UVRAG: variants seen among roughly 807,000 people sequenced by gnomAD.
UVRAG encodes UV radiation resistance associated.
Under a neutral mutation model 78.0 loss-of-function variants are expected in UVRAG, and 19 were observed. The ratio of observed to expected loss-of-function variants is 0.24; its 90% confidence interval spans 0.17 to 0.36. The LOEUF (loss-of-function observed/expected upper bound fraction) is 0.36. Among genes scored for constraint, UVRAG ranks in the 10% least tolerant of loss-of-function variants. The pLI is 1.00. For missense variants in UVRAG, 740 were observed against 853.8 expected (o/e 0.87, Z 1.66); for synonymous variants, 323 against 324.6 (o/e 1.00, Z 0.05).
intron 7 of UVRAG, among the ~76,000 whole-genome samples, chr11:75,976,778 C>A (rs1195439506): frequency 6.6e-6 from 1 of 152,046 alleles, no homozygotes; most frequent in Non-Finnish European, 1.5e-5. Context: ...ATTAGTCTTG[C>A]TAGCGGTCTG....
intron 13 of UVRAG, among the ~76,000 whole-genome samples, chr11:76,101,411 A>C (rs369112867): frequency 6.6e-6 from 1 of 152,030 alleles, no homozygotes; most frequent in African/African-American, 2.4e-5. Flanking sequence ...ACTTTTAAAA[A>C]GTGTCTGTTC....
chr11:75,988,096 GTTTT>G (rs1011799746), intron 8 of UVRAG, among the ~76,000 whole-genome samples: 4 of 151,832 alleles, frequency 2.6e-5, no homozygotes, highest in Admixed American at 6.6e-5. Context: ...TCATTTCTTT[GTTTT>G]TTTTATTTTC....
At chr11:76,019,544 A>G (rs1950203322) in intron 12 of UVRAG, among the ~76,000 whole-genome samples, 1 of 152,220 alleles carries the variant, frequency 6.6e-6, no homozygotes, top group African/African-American at 2.4e-5. Flanking sequence ...CTGTATCTGC[A>G]TTAGGGGGAA....
chr11:76,136,971 A>T (rs1317909067), intron 14 of UVRAG, among the ~76,000 whole-genome samples: 1 of 152,178 alleles, frequency 6.6e-6, no homozygotes, highest in Non-Finnish European at 1.5e-5. Flanking sequence ...TTAAAAATAC[A>T]TGTGTGTTTA....
In UVRAG at chr11:76,017,910, A is replaced by C. The variant is rs74917084; in HGVS notation, c.1226+930A>C. On this transcript the variant is annotated intron_variant, in intron 12 of 14. Transcript: ENST00000356136. ...AAGGAAGAATAAAAATAATTTCAAAAAGAAACATGGAAATACAGTACAGAA... is the reference window on the plus strand; with the variant it reads ...AAGGAAGAATAAAAATAATTTCAAACAGAAACATGGAAATACAGTACAGAA... Among the ~76,000 whole-genome samples the C allele has an allele frequency of 8.9e-3, 1,349 of 152,326 alleles. 20 individuals carry two copies. The highest frequency in any genetic ancestry group is 0.031 in the African/African-American group (1,282 of 41,584).
At chr11:76,015,407 G>A (rs147078696) in intron 11 of UVRAG, among the ~76,000 whole-genome samples, 13 of 152,172 alleles carry the variant, frequency 8.5e-5, no homozygotes, top group Admixed American at 2.6e-4. Flanking sequence ...CTGGTTAATC[G>A]TGGAAGATTG....
chr11:76,025,855 A>G (rs560686022), intron 12 of UVRAG, among the ~76,000 whole-genome samples: 14 of 152,224 alleles, frequency 9.2e-5, no homozygotes, highest in South Asian at 8.3e-4. Flanking sequence ...CATATATCCT[A>G]TGTATAAAGA....
chr11:75,965,017 TA>T (rs779299865), intron 7 of UVRAG, among the ~76,000 whole-genome samples: 2 of 152,228 alleles, frequency 1.3e-5, no homozygotes, highest in Non-Finnish European at 2.9e-5. Flanking sequence ...TTTGTCATCT[TA>T]AAATTTGACA....
intron 13 of UVRAG, among the ~76,000 whole-genome samples, chr11:76,115,300 C>T (rs1952156175): frequency 6.6e-6 from 1 of 152,220 alleles, no homozygotes; most frequent in South Asian, 2.1e-4. Context: ...ACCACCTCTC[C>T]AGCTATGTGC....
At chr11:75,977,786 C>T (rs878859194) in intron 7 of UVRAG, among the ~76,000 whole-genome samples, 6 of 152,252 alleles carry the variant, frequency 3.9e-5, no homozygotes, top group African/African-American at 1.2e-4. Context: ...AGATGGGTTT[C>T]CTGAATACAG....
intron 3 of UVRAG, among the ~76,000 whole-genome samples, chr11:75,878,775 C>T (rs1204695413): frequency 6.6e-6 from 1 of 151,952 alleles, no homozygotes; most frequent in African/African-American, 2.4e-5. Context: ...GCAGGAGAAT[C>T]AGGCAGGGAG....
intron 8 of UVRAG, among the ~76,000 whole-genome samples, chr11:75,999,940 G>A (rs1425028604): frequency 6.6e-6 from 1 of 152,108 alleles, no homozygotes; most frequent in African/African-American, 2.4e-5. Context: ...AAGCATTTCG[G>A]ATAAGGTATG....
At chr11:75,910,495 C>T (rs1249138817) in intron 5 of UVRAG, among the ~76,000 whole-genome samples, 1 of 150,428 alleles carries the variant, frequency 6.6e-6, no homozygotes, top group Non-Finnish European at 1.5e-5. Context: ...CCCCACCCCC[C>T]ACTTTTTTTT....
chr11:75,878,220 A>G (rs1356183214), intron 3 of UVRAG, among the ~76,000 whole-genome samples: 1 of 146,964 alleles, frequency 6.8e-6, no homozygotes, highest in Non-Finnish European at 1.5e-5. Flanking sequence ...TACATCCCAG[A>G]CGGGGCGGCG....
chr11:75,846,507 G>A (rs959808995), intron 1 of UVRAG, among the ~76,000 whole-genome samples: 2 of 151,890 alleles, frequency 1.3e-5, no homozygotes, highest in African/African-American at 4.8e-5. Context: ...TATCTTCTAG[G>A]ACTTTTATAG....
intron 6 of UVRAG, among the ~76,000 whole-genome samples, chr11:75,933,917 A>G (rs1168723217): frequency 6.6e-6 from 1 of 152,230 alleles, no homozygotes; most frequent in Non-Finnish European, 1.5e-5. Context: ...GTAAATTAGT[A>G]CAACCACTAT....
chr11:76,091,357 TTTTTATCTGTTGTGCTCGGCAC>T (rs1951692446), intron 13 of UVRAG, among the ~76,000 whole-genome samples: 1 of 152,218 alleles, frequency 6.6e-6, no homozygotes, highest in African/African-American at 2.4e-5. Flanking sequence ...GATAAGTCTG[TTTTTATCTGTTGTGCTCGGCAC>T]TCAATGGATC....
chr11:76,043,239 TA>T (rs920455778), intron 12 of UVRAG, among the ~76,000 whole-genome samples: 2 of 152,024 alleles, frequency 1.3e-5, no homozygotes, highest in African/African-American at 2.4e-5. Flanking sequence ...TAATTTTTTT[TA>T]AAAAAAGGAA....
At chr11:76,121,262 T>C (rs1455815973) in intron 14 of UVRAG, among the ~76,000 whole-genome samples, 1 of 152,206 alleles carries the variant, frequency 6.6e-6, no homozygotes. Flanking sequence ...AGGGCACAGC[T>C]CTCAGTGATT....
Sources: gnomAD v4.1 joint callset for allele counts (sites outside exome capture counted in the v4.1 genomes callset) on GRCh38, gnomAD v4.1.1 for gene constraint, MANE v1.5 for transcripts, NCBI Gene and HGNC (gene_info 2026-07-23, HGNC 2026-07-21) for gene names.